Variants in SPAG6 observed in about 807,000 individuals in gnomAD.
SPAG6 encodes the protein sperm associated antigen 6.
SPAG6 carries 49 observed loss-of-function variants against 58.5 expected under a neutral mutation model. The ratio of observed to expected loss-of-function variants is 0.84; its 90% CI spans 0.67 to 1.06. The LOEUF is 1.06. Among genes scored for constraint, SPAG6 ranks in the 50% least tolerant of loss-of-function variants. SPAG6 has a pLI of 0.00. For synonymous variants in SPAG6, 233 were observed against 225.6 expected (o/e 1.03, Z -0.29); for missense variants, 560 against 611.3 (o/e 0.92, Z 0.89).
intron 8 of SPAG6, among the ~76,000 whole-genome samples, chr10:22,392,294 A>G (rs983548303): frequency 1.3e-5 from 2 of 152,166 alleles, no homozygotes; most frequent in African/African-American, 4.8e-5. Context: ...GTACCTTTCA[A>G]ATGTATCATA....
At chr10:22,401,818 C>T (rs1403677842) in intron 9 of SPAG6, among the ~76,000 whole-genome samples, 1 of 152,130 alleles carries the variant, frequency 6.6e-6, no homozygotes, top group Non-Finnish European at 1.5e-5. Flanking sequence ...GGTCAAGCTG[C>T]TATAAGTGGG....
chr10:22,407,003 C>T (rs1437843751), intron 9 of SPAG6, among the ~76,000 whole-genome samples: 4 of 152,146 alleles, frequency 2.6e-5, no homozygotes, highest in Non-Finnish European at 1.5e-5. Context: ...GATCTTCCTC[C>T]ATCCTTTTAT....
rs780431157 is a variant in SPAG6, at chr10:22,389,189, G to A, written c.882G>A (p.Gly294=). 4.3e-6 allele frequency: 7 copies of A among 1,613,390 alleles called. No homozygotes were observed. The highest frequency in any genetic ancestry group is 5.9e-6 in the Non-Finnish European group (7 of 1,179,674). The stretch of plus-strand genomic sequence containing the variant: ...CACAGCTGGTAGTTAACGCAGGAGG[G>A]GTTGCTGCCGTGATTGACTGCATTG... ...ELSQLVVNAG[G]VAAVIDCIGS... is the part of the protein sequence containing the mutation. Residue 294 remains glycine, a synonymous_variant, in exon 7 of 11, where the codon GGG becomes GGA. Coordinates refer to ENST00000376624, the MANE Select transcript of SPAG6 (RefSeq NM_012443.4).
chr10:22,416,834 A>T lies in SPAG6; in HGVS notation c.*146A>T, dbSNP rs569048821. ...ATAATATTTTCTAAATTTATGTAAT[A>T]CTTTAAACATTCGTAGCTTGAATAT... On this transcript the variant is annotated 3_prime_UTR_variant, in exon 11 of 11. Transcript: ENST00000376624. 1 of 514,956 alleles carries T rather than the reference A, an allele frequency of 1.9e-6. No individual in the cohort carries two copies. The highest frequency in any genetic ancestry group is 2.9e-5 in the South Asian group (1 of 35,068). 31.9% of individuals were successfully genotyped at this position (514,956 alleles called of 1,614,324 possible).
chr10:22,387,621 A>G (rs1327548071), intron 5 of SPAG6, among the ~76,000 whole-genome samples: 1 of 152,174 alleles, frequency 6.6e-6, no homozygotes, highest in Non-Finnish European at 1.5e-5. Context: ...ACTAATTTGG[A>G]AATTAGGAAT....
At chr10:22,403,596 C>T (rs1410696281) in intron 9 of SPAG6, among the ~76,000 whole-genome samples, 2 of 148,574 alleles carry the variant, frequency 1.3e-5, no homozygotes, top group Non-Finnish European at 2.9e-5. Context: ...AATAAACATA[C>T]GTGTGCATGT....
chr10:22,345,565 CG>C lies in SPAG6; in HGVS notation c.-45del, dbSNP rs768489037. On this transcript the variant is annotated 5_prime_UTR_variant, in exon 1 of 11. Coordinates refer to ENST00000376624, the MANE Select transcript of SPAG6 (RefSeq NM_012443.4). This position sits in a 1 kb window ranked among gnomAD's most constrained non-coding sequence, Gnocchi z 6.3. The stretch of plus-strand genomic sequence containing the variant: ...CCCCTTGGTGGACTCGCAGGCCGAG[CG>C]GCTTCCCCGCAGAGCTCGAGGAGGG... 30 of 1,484,926 alleles carry C rather than the reference CG, an allele frequency of 2.0e-5. No individual in the cohort carries two copies. The highest frequency in any genetic ancestry group is 2.6e-5 in the Non-Finnish European group (29 of 1,106,804). The allele number at this position is 1,484,926 out of a possible 1,614,324, so 92.0% of individuals were successfully genotyped here. A position where few individuals can be genotyped will look rare whatever the true frequency, so the allele number is the denominator to read the frequency against.
chr10:22,376,635 ATG>A (rs143921983), intron 4 of SPAG6, among the ~76,000 whole-genome samples: 52 of 149,632 alleles, frequency 3.5e-4, no homozygotes, highest in African/African-American at 3.7e-4. Context: ...ACTTGTGGAC[ATG>A]TGTGTGTGTG....
Position 22,391,725 on chromosome 10 carries a change from G to T in SPAG6, c.1006-4G>T. The T allele has an allele frequency of 6.2e-7, 1 of 1,613,014 alleles. No homozygotes were observed. The highest frequency in any genetic ancestry group is 1.3e-5 in the African/African-American group (1 of 74,954). On this transcript the variant is annotated splice_region_variant and splice_polypyrimidine_tract_variant and intron_variant, in intron 7 of 10. Coordinates refer to ENST00000376624, the MANE Select transcript of SPAG6 (RefSeq NM_012443.4). ...AACACTTGCTCTTTTGATCCACGCT[G>T]CAGGGTGTACCCCAGTTGTCAGTCT... is the stretch of plus-strand genomic sequence containing the variant.
At chr10:22,407,713 G>A (rs1225588303) in intron 9 of SPAG6, among the ~76,000 whole-genome samples, 1 of 152,096 alleles carries the variant, frequency 6.6e-6, no homozygotes, top group Admixed American at 6.5e-5. Context: ...AGTTCTCCTG[G>A]ATAATATCCT....
intron 9 of SPAG6, among the ~76,000 whole-genome samples, chr10:22,409,671 C>T (rs949743462): frequency 1.3e-5 from 2 of 152,046 alleles, no homozygotes; most frequent in Non-Finnish European, 1.5e-5. Context: ...GGAACAAGAT[C>T]AGAAAAAAAG....
At chr10:22,380,219 G>A (rs1451170450) in intron 4 of SPAG6, among the ~76,000 whole-genome samples, 1 of 152,112 alleles carries the variant, frequency 6.6e-6, no homozygotes, top group Non-Finnish European at 1.5e-5. Flanking sequence ...TGAAAAATTT[G>A]GTTGAATGGG....
chr10:22,389,133 G>C (rs1286457764), intron 6 of SPAG6, 27 bp from the exon 7 acceptor site: 3 of 1,606,712 alleles, frequency 1.9e-6, no homozygotes, highest in Middle Eastern at 3.3e-4. Flanking sequence ...GGGTCCTGGT[G>C]ATCTAACTCT....
intron 8 of SPAG6, among the ~76,000 whole-genome samples, chr10:22,392,627 G>T (rs1834208012): frequency 6.6e-6 from 1 of 152,016 alleles, no homozygotes; most frequent in Non-Finnish European, 1.5e-5. Flanking sequence ...TTGTAAAATT[G>T]ACTTGGTTTG....
intron 9 of SPAG6, among the ~76,000 whole-genome samples, chr10:22,405,208 T>A (rs1254369669): frequency 6.6e-6 from 1 of 151,638 alleles, no homozygotes; most frequent in Non-Finnish European, 1.5e-5. Flanking sequence ...CATCCCTGTC[T>A]TGTGCCAGTT....
chr10:22,398,825 A>G (rs944081360), intron 8 of SPAG6, among the ~76,000 whole-genome samples: 1 of 149,214 alleles, frequency 6.7e-6, no homozygotes, highest in Non-Finnish European at 1.5e-5. Flanking sequence ...AAGTATTATT[A>G]TTTTTTTTTT....
intron 7 of SPAG6, among the ~76,000 whole-genome samples, chr10:22,390,431 G>C (rs1002763413): frequency 2.6e-5 from 4 of 152,122 alleles, no homozygotes; most frequent in Non-Finnish European, 5.9e-5. Flanking sequence ...CACTTGGTTT[G>C]TTTTTCAGAT....
At chr10:22,360,331 TC>T (rs1397069759) in intron 2 of SPAG6, among the ~76,000 whole-genome samples, 2 of 151,608 alleles carry the variant, frequency 1.3e-5, no homozygotes, top group South Asian at 2.1e-4. Flanking sequence ...TTTTTTTTTT[TC>T]ATAACTGGAT....
At position 22,416,646 on chromosome 10, in the gene SPAG6, A is replaced by G; in HGVS notation, c.1488A>G (p.Thr496=). The G allele has an allele frequency of 6.2e-7, 1 of 1,609,338 alleles. No homozygotes were observed. Among genetic ancestry groups the G allele is most frequent in the Non-Finnish European group, 8.5e-7 (1 of 1,175,996 alleles). The change falls in exon 11 of 11, where the codon ACA becomes ACG. Residue 496 remains threonine, a synonymous_variant. Transcript: ENST00000376624. ...VRYYSPGYSD[T]LLQRVDSYQP... is the part of the protein sequence containing the mutation. ...ATTATTCCCCTGGATATTCAGATAC[A>G]CTTCTGCAGAGGGTGGACAGCTATC...
Sources: allele counts gnomAD v4.1 joint callset (sites outside exome capture counted in the v4.1 genomes callset), GRCh38; gene constraint gnomAD v4.1.1; non-coding constraint Gnocchi (gnomAD v3.1); transcripts MANE v1.5; gene names NCBI Gene and HGNC (gene_info 2026-07-23, HGNC 2026-07-21).